The following ADCY3 variants were observed in gnomAD, a reference collection of about 807,000 sequenced individuals.
The protein encoded by ADCY3 is adenylate cyclase type 3.
In ADCY3, 70 loss-of-function variants were observed where a neutral mutation model predicts 119.4. The observed-to-expected ratio is 0.59, with a 90% CI of 0.48 to 0.72. The LOEUF is 0.72. ADCY3 is among the 30% of genes least tolerant of loss of function. The pLI is 0.00. For synonymous variants in ADCY3, 672 were observed against 621.4 expected, an observed-to-expected ratio of 1.08 and a Z score of -1.21; for missense variants, 1,238 against 1,541.6, an observed-to-expected ratio of 0.80 and a Z score of 3.30.
chr2:24,820,155 G>C (rs545715233), intron 21 of ADCY3, 41 bp from the exon 22 acceptor site: 20 of 1,297,422 alleles, frequency 1.5e-5, no homozygotes, highest in Admixed American at 2.3e-5. Context: ...GTTACGGGGG[G>C]AGCCTAGACT....
At chr2:24,846,826 G>A (rs1010107118) in intron 3 of ADCY3, among the ~76,000 whole-genome samples, 5 of 152,102 alleles carry the variant, frequency 3.3e-5, no homozygotes, top group Admixed American at 6.6e-5. Context: ...TGATTCACTC[G>A]CCTCAGCCTC....
intron 3 of ADCY3, among the ~76,000 whole-genome samples, chr2:24,867,743 GAAAGGAAGAGC>G (rs1674476801): frequency 6.6e-6 from 1 of 152,158 alleles, no homozygotes; most frequent in Non-Finnish European, 1.5e-5. Context: ...AAGAAATGGA[GAAAGGAAGAGC>G]AATTGAGAGG....
intron 2 of ADCY3, among the ~76,000 whole-genome samples, chr2:24,896,730 C>T (rs750550054): frequency 2.4e-4 from 37 of 152,152 alleles, no homozygotes; most frequent in Non-Finnish European, 5.0e-4. Flanking sequence ...AGGCCTCTAT[C>T]GAGATTTCTG....
intron 3 of ADCY3, among the ~76,000 whole-genome samples, chr2:24,870,969 C>G (rs1674929214): frequency 6.6e-6 from 1 of 152,158 alleles, no homozygotes; most frequent in South Asian, 2.1e-4. Flanking sequence ...AAACACAGGG[C>G]CTTCCTCATC....
intron 11 of ADCY3, among the ~76,000 whole-genome samples, chr2:24,833,762 A>AG (rs1407740751): frequency 6.6e-6 from 1 of 152,254 alleles, no homozygotes; most frequent in East Asian, 1.9e-4. Flanking sequence ...AGTGTCCGCT[A>AG]GGGCAGGGGT....
rs1205593364 is a variant in ADCY3, at chr2:24,915,015, G to A, written c.675+3298C>T. Among the ~76,000 whole-genome samples, 4 of 152,200 alleles carry A rather than the reference G, an allele frequency of 2.6e-5. No homozygotes were observed. The East Asian group carries it at 7.7e-4, about 29-fold the overall frequency. ...GTCTGGCTGGCCTCTGACCTCTCAG[G>A]CTGCCAACAGCCCCATGTGTACCTT... On this transcript the variant is annotated intron_variant, in intron 2 of 21. Transcript: ENST00000679454.
Position 24,841,846 on chromosome 2 carries a change from G to A in ADCY3, c.957-179C>T, listed in dbSNP as rs1206246594. On this transcript the variant is annotated intron_variant, in intron 4 of 21. Coordinates refer to ENST00000679454, the MANE Select transcript of ADCY3 (RefSeq NM_004036.5). The surrounding 1 kb of genome is among the most constrained non-coding windows in gnomAD (Gnocchi z 5.8). ...CAGGTAAAGTCAGGGCTCTGACCTT[G>A]CACTTGTCCTAGCAGACTTCCCCTG... Among the ~76,000 whole-genome samples the A allele has an allele frequency of 6.6e-6, 1 of 152,132 alleles. No individual in the cohort carries two copies.
chr2:24,835,094 T>C (rs546850875), intron 9 of ADCY3, among the ~76,000 whole-genome samples, 158 bp from the exon 10 acceptor site: 12 of 152,242 alleles, frequency 7.9e-5, no homozygotes, highest in African/African-American at 2.9e-4. Context: ...GTCTTCCCCA[T>C]GCTCCCACGT....
At chr2:24,840,666 C>G (rs1049389667) in intron 6 of ADCY3, 1 of 390,264 alleles carries the variant, frequency 2.6e-6, no homozygotes, top group African/African-American at 2.1e-5. Context: ...CCCCGGGTCC[C>G]GCAGAGGCTG....
intron 2 of ADCY3, among the ~76,000 whole-genome samples, chr2:24,900,405 C>T (rs888005213): frequency 6.6e-6 from 1 of 151,684 alleles, no homozygotes; most frequent in East Asian, 2.0e-4. Context: ...TAGACAATAG[C>T]TCTATCATTA....
chr2:24,881,866 C>G (rs1270815821), intron 2 of ADCY3, among the ~76,000 whole-genome samples: 1 of 152,186 alleles, frequency 6.6e-6, no homozygotes, highest in African/African-American at 2.4e-5. Context: ...CTACTGGCCT[C>G]TAGTGGGCGG....
rs1325364878 is a variant in ADCY3 at position 24,819,874 on chromosome 2, TC to T, written c.*57del. ...CAATCCAGGAAGGTCGGGACTTCCT[TC>T]AGTTTCAAAAAATAAATTCTCCCTT... is the stretch of plus-strand genomic sequence containing the variant. On this transcript the variant is annotated 3_prime_UTR_variant, in exon 22 of 22. Coordinates refer to ENST00000679454, the MANE Select transcript of ADCY3 (RefSeq NM_004036.5). 4.5e-6 allele frequency: 7 copies of T among 1,567,206 alleles called. No individual in the cohort carries two copies. In the African/African-American group the frequency reaches 9.5e-5, roughly 21 times the overall value.
intron 3 of ADCY3, among the ~76,000 whole-genome samples, chr2:24,865,535 G>C (rs60845374): frequency 2.8e-5 from 4 of 143,358 alleles, no homozygotes; most frequent in Non-Finnish European, 4.5e-5. Flanking sequence ...GTGTGTGTGT[G>C]AAAATTCTAT....
Position 24,919,270 on chromosome 2 carries a change from T to C in ADCY3, c.-197-86A>G. On this transcript the variant is annotated intron_variant, in intron 1 of 21. Transcript: ENST00000679454. This position sits in a 1 kb window ranked among gnomAD's most constrained non-coding sequence, Gnocchi z 5.5. ...ACCCGCCCTAACCCTCATAAAAGGA[T>C]CTCTGCTGCAAGAGCCTCCCAACCC... is the stretch of plus-strand genomic sequence containing the variant. 2.6e-6 allele frequency: 1 copy of C among 387,272 alleles called. No individual in the cohort carries two copies. Among genetic ancestry groups the C allele is most frequent in the Non-Finnish European group, 4.7e-6 (1 of 210,926 alleles). The allele number at this position is 387,272 out of a possible 1,614,324, so 24.0% of individuals were successfully genotyped here.
At chr2:24,824,342 G>A in intron 17 of ADCY3, 36 bp downstream of exon 17, 1 of 1,606,900 alleles carries the variant, frequency 6.2e-7, no homozygotes. Flanking sequence ...GGAGACAAAT[G>A]GCCTCATGGT....
At chr2:24,831,543 A>C in intron 12 of ADCY3, 119 bp downstream of exon 12, 1 of 812,742 alleles carries the variant, frequency 1.2e-6, no homozygotes, top group Non-Finnish European at 2.1e-6. Flanking sequence ...GACCGTCCTA[A>C]CAGAGGAGTG....
In ADCY3 at chr2:24,842,482, G is replaced by A. The variant is rs1234382270; in HGVS notation, c.826-98C>T. 8 of 1,482,132 alleles carry A rather than the reference G, an allele frequency of 5.4e-6. No individual in the cohort carries two copies. The highest frequency in any genetic ancestry group is 1.9e-5 in the Admixed American group (1 of 52,624). 91.8% of individuals were successfully genotyped at this position (1,482,132 alleles called of 1,614,324 possible). A position where few individuals can be genotyped will look rare whatever the true frequency, so the allele number is the denominator to read the frequency against. On this transcript the variant is annotated intron_variant, in intron 3 of 21. Transcript: ENST00000679454. This position sits in a 1 kb window ranked among gnomAD's most constrained non-coding sequence, Gnocchi z 4.9. ...AAATGCCCCGATCCTGGCAAGAAAC[G>A]TGAGCAGGGAACCATGCTGCCCTCC...
chr2:24,819,732 T>C lies in ADCY3; in HGVS notation c.*200A>G. ...TTCAGCCCTATGCCTAAGACCCCTA[T>C]GCTGGGGACACTACAGGCACACACA... On this transcript the variant is annotated 3_prime_UTR_variant, in exon 22 of 22. Coordinates refer to ENST00000679454, the MANE Select transcript of ADCY3 (RefSeq NM_004036.5). The C allele has an allele frequency of 1.7e-6, 1 of 595,560 alleles. No homozygotes were observed. The highest frequency in any genetic ancestry group is 2.1e-5 in the South Asian group (1 of 47,954). 36.9% of individuals were successfully genotyped at this position (595,560 alleles called of 1,614,324 possible). A position where few individuals can be genotyped will look rare whatever the true frequency, so the allele number is the denominator to read the frequency against.
Position 24,872,265 on chromosome 2 carries a change from G to T in ADCY3, c.825+305C>A, listed in dbSNP as rs867205491. On this transcript the variant is annotated intron_variant, in intron 3 of 21. Coordinates refer to ENST00000679454, the MANE Select transcript of ADCY3 (RefSeq NM_004036.5). This position sits in a 1 kb window ranked among gnomAD's most constrained non-coding sequence, Gnocchi z 4.4. ...CAGGAAGTCATAGCTGGCTGCTTGG[G>T]CAATGCATTTCTTGAAAGGGAAAAG... Among the ~76,000 whole-genome samples the T allele has an allele frequency of 7.2e-5, 11 of 152,226 alleles. No individual in the cohort carries two copies. The highest frequency in any genetic ancestry group is 9.6e-5 in the African/African-American group (4 of 41,472).
Sources: gnomAD v4.1 joint callset for allele counts (sites outside exome capture counted in the v4.1 genomes callset) on GRCh38, gnomAD v4.1.1 for gene constraint, Gnocchi (gnomAD v3.1) non-coding constraint, MANE v1.5 for transcripts, NCBI Gene and HGNC (gene_info 2026-07-23, HGNC 2026-07-21) for gene names.